LHFPL3: variants seen among roughly 807,000 people sequenced by gnomAD.
The protein encoded by LHFPL3 is LHFPL tetraspan subfamily member 3, also known as LHFPL tetraspan subfamily member 3 protein.
In LHFPL3, 5 loss-of-function variants were observed where a neutral mutation model predicts 19.3. That is an observed-to-expected ratio of 0.26 (90% CI 0.14 to 0.54). The LOEUF is 0.54. Ranked by LOEUF, LHFPL3 falls within the 20% of genes least tolerant of loss-of-function variation. LHFPL3 has a pLI of 0.94. For missense variants in LHFPL3, 249 were observed against 307.4 expected (o/e 0.81, Z 1.42); for synonymous variants, 133 against 126.2 (o/e 1.05, Z -0.36).
At chr7:104,632,724 G>A (rs1189943831) in intron 1 of LHFPL3, among the ~76,000 whole-genome samples, 2 of 152,174 alleles carry the variant, frequency 1.3e-5, no homozygotes, top group Non-Finnish European at 2.9e-5. Context: ...GGCAAGATTT[G>A]CAGCTTCAAC....
intron 1 of LHFPL3, among the ~76,000 whole-genome samples, chr7:104,611,294 G>A (rs1047380774): frequency 6.8e-4 from 103 of 152,330 alleles, no homozygotes; most frequent in African/African-American, 2.3e-3. Flanking sequence ...AGAAAATTGA[G>A]ACTTCTGCAG....
Position 104,542,008 on chromosome 7 carries a change from AG to A in LHFPL3, c.446-194665del, listed in dbSNP as rs200909786. 6.8e-3 allele frequency among the ~76,000 whole-genome samples: 1,028 copies of A among 151,996 alleles called. 14 individuals are homozygous for A. The highest frequency in any genetic ancestry group is 0.024 in the African/African-American group (988 of 41,440). ...GAGAGCATGCTGTGAGAGCCAGGAGAGGAGGGTATTTGAAGCAAGAAGTGGG... is the reference window on the plus strand; with the variant it reads ...GAGAGCATGCTGTGAGAGCCAGGAGAGAGGGTATTTGAAGCAAGAAGTGGG... On this transcript the variant is annotated intron_variant, in intron 1 of 2. Coordinates refer to ENST00000424859, the MANE Select transcript of LHFPL3 (RefSeq NM_199000.3).
In LHFPL3 at chr7:104,685,156, G is replaced by T. The variant is rs189599842; in HGVS notation, c.446-51519G>T. ...GAGGTCAAGAGATGGAGATCATCCTGGCCAACATGATGAAACCCCATCTCT... is the reference window on the plus strand; with the variant it reads ...GAGGTCAAGAGATGGAGATCATCCTTGCCAACATGATGAAACCCCATCTCT... On this transcript the variant is annotated intron_variant, in intron 1 of 2. Coordinates refer to ENST00000424859, the MANE Select transcript of LHFPL3 (RefSeq NM_199000.3). 2.2e-3 allele frequency among the ~76,000 whole-genome samples: 338 copies of T among 152,186 alleles called. 2 individuals are homozygous for T. Among genetic ancestry groups the T allele is most frequent in the Non-Finnish European group, 4.1e-3 (280 of 68,016 alleles).
chr7:104,519,782 T>TAC (rs1794009349), intron 1 of LHFPL3, among the ~76,000 whole-genome samples: 1 of 152,158 alleles, frequency 6.6e-6, no homozygotes, highest in Non-Finnish European at 1.5e-5. Flanking sequence ...GCCAGCTGTG[T>TAC]ACAAACACAT....
intron 2 of LHFPL3, among the ~76,000 whole-genome samples, chr7:104,786,967 G>C (rs1425271014): frequency 1.3e-5 from 2 of 152,090 alleles, no homozygotes; most frequent in South Asian, 4.1e-4. Context: ...GTATAAGTAG[G>C]CCTAGTTGCA....
rs1401730770 is a variant in LHFPL3, at chr7:104,526,638, C to G, written c.445+197414C>G. Among the ~76,000 whole-genome samples, 4 of 152,182 alleles carry G rather than the reference C, an allele frequency of 2.6e-5. No individual in the cohort carries two copies. The East Asian group carries it at 7.7e-4, about 29-fold the overall frequency. ...AAATAGTGATGAACAATCATATTGACTTAAGAAATGTTACCCAGACTTTTG... is the reference window on the plus strand; with the variant it reads ...AAATAGTGATGAACAATCATATTGAGTTAAGAAATGTTACCCAGACTTTTG... On this transcript the variant is annotated intron_variant, in intron 1 of 2. Transcript: ENST00000424859.
intron 1 of LHFPL3, among the ~76,000 whole-genome samples, chr7:104,369,022 C>T (rs893184644): frequency 4.6e-5 from 7 of 152,052 alleles, no homozygotes; most frequent in Non-Finnish European, 1.0e-4. Context: ...AGGGTCTCTC[C>T]GGGAGACGTA....
intron 1 of LHFPL3, among the ~76,000 whole-genome samples, chr7:104,523,289 G>T (rs117491526): frequency 6.6e-6 from 1 of 151,902 alleles, no homozygotes; most frequent in Non-Finnish European, 1.5e-5. Flanking sequence ...ATGATCTCAT[G>T]TGACAAATTT....
chr7:104,734,316 T>C (rs1793762810), intron 1 of LHFPL3, among the ~76,000 whole-genome samples: 1 of 152,218 alleles, frequency 6.6e-6, no homozygotes, highest in African/African-American at 2.4e-5. Flanking sequence ...CAGAGTGTTT[T>C]CCAACTTGGT....
rs1169960419 is a variant in LHFPL3, at chr7:104,505,491, G to C, written c.445+176267G>C. 2.0e-5 allele frequency among the ~76,000 whole-genome samples: 3 copies of C among 152,180 alleles called. No individual in the cohort carries two copies. In the East Asian group the frequency reaches 5.8e-4, roughly 29 times the overall value. On this transcript the variant is annotated intron_variant, in intron 1 of 2. Transcript: ENST00000424859. Reference sequence around the variant, plus strand: ...TGGTAAAGATGAAGACTGGTGAGCTGTCAGTGAGTTCCAGACAAAAGAGGC... The same window carrying C: ...TGGTAAAGATGAAGACTGGTGAGCTCTCAGTGAGTTCCAGACAAAAGAGGC...
At chr7:104,868,687 G>C (rs1413420562) in intron 2 of LHFPL3, among the ~76,000 whole-genome samples, 2 of 152,116 alleles carry the variant, frequency 1.3e-5, no homozygotes, top group East Asian at 1.9e-4. Context: ...TCCCCATCAA[G>C]CTACCAATGA....
At chr7:104,456,535 T>A (rs555681801) in intron 1 of LHFPL3, among the ~76,000 whole-genome samples, 1 of 152,306 alleles carries the variant, frequency 6.6e-6, no homozygotes, top group African/African-American at 2.4e-5. Flanking sequence ...TACAGTTACA[T>A]GGATGGAAGA....
chr7:104,479,892 TA>T (rs1424045342), intron 1 of LHFPL3, among the ~76,000 whole-genome samples: 29 of 152,374 alleles, frequency 1.9e-4, no homozygotes, highest in African/African-American at 6.5e-4. Flanking sequence ...TATTCTTTTC[TA>T]AAAATTTCTC....
chr7:104,848,370 G>A (rs140412926), intron 2 of LHFPL3, among the ~76,000 whole-genome samples: 200 of 152,264 alleles, frequency 1.3e-3, no homozygotes, highest in African/African-American at 4.6e-3. Context: ...TTTGTTTGAA[G>A]AGGAAAATGG....
At chr7:104,407,054 A>G (rs955072261) in intron 1 of LHFPL3, among the ~76,000 whole-genome samples, 7 of 152,268 alleles carry the variant, frequency 4.6e-5, no homozygotes, top group African/African-American at 1.2e-4. Context: ...CTGTTGTACA[A>G]TGGGGATCAC....
intron 1 of LHFPL3, among the ~76,000 whole-genome samples, chr7:104,492,582 A>G (rs543106690): frequency 6.6e-6 from 1 of 152,372 alleles, no homozygotes; most frequent in Non-Finnish European, 1.5e-5. Flanking sequence ...TTTAGCACAG[A>G]GGAACTTCAC....
At chr7:104,602,182 G>T (rs1175002756) in intron 1 of LHFPL3, among the ~76,000 whole-genome samples, 1 of 151,622 alleles carries the variant, frequency 6.6e-6, no homozygotes, top group East Asian at 1.9e-4. Context: ...CACCATGCCT[G>T]GCTAATTTTT....
At chr7:104,597,277 T>C (rs991584211) in intron 1 of LHFPL3, among the ~76,000 whole-genome samples, 3 of 152,366 alleles carry the variant, frequency 2.0e-5, no homozygotes, top group South Asian at 2.1e-4. Context: ...ATTTCAGTCA[T>C]TCTTTTTGCG....
intron 1 of LHFPL3, among the ~76,000 whole-genome samples, chr7:104,674,555 G>A (rs912106555): frequency 2.0e-5 from 3 of 151,960 alleles, no homozygotes; most frequent in Non-Finnish European, 4.4e-5. Flanking sequence ...TTTTAGTAGA[G>A]ATGGAGTTTC....
Sources: allele counts gnomAD v4.1 joint callset (sites outside exome capture counted in the v4.1 genomes callset), GRCh38; gene constraint gnomAD v4.1.1; transcripts MANE v1.5; gene names NCBI Gene and HGNC (gene_info 2026-07-23, HGNC 2026-07-21).